The following ST8SIA2 variants were observed in gnomAD, a reference collection of about 807,000 sequenced individuals.
ST8SIA2 encodes the protein alpha-2,8-sialyltransferase 8B.
ST8SIA2 carries 22 observed loss-of-function variants against 37.6 expected under a neutral mutation model. That is an observed-to-expected ratio of 0.58 (90% CI 0.42 to 0.83). ST8SIA2 has a LOEUF of 0.83. Among genes scored for constraint, ST8SIA2 ranks in the 40% least tolerant of loss-of-function variants. The pLI is 0.00. For synonymous variants in ST8SIA2, 205 were observed against 201.2 expected, an observed-to-expected ratio of 1.02 and a Z score of -0.16; for missense variants, 382 against 484.7, an observed-to-expected ratio of 0.79 and a Z score of 1.99.
chr15:92,449,410 C>T (rs1418641767), intron 5 of ST8SIA2, among the ~76,000 whole-genome samples: 1 of 152,218 alleles, frequency 6.6e-6, no homozygotes, highest in Non-Finnish European at 1.5e-5. Context: ...CAATCCACCA[C>T]TTCTGGGCAC....
intron 1 of ST8SIA2, among the ~76,000 whole-genome samples, chr15:92,395,437 C>T (rs769307338): frequency 6.6e-6 from 1 of 152,188 alleles, no homozygotes; most frequent in East Asian, 1.9e-4. Context: ...TGACAAGTGC[C>T]GCTTCCTGCT....
At position 92,438,210 on chromosome 15, in the gene ST8SIA2, G is replaced by A. The variant is rs117645962; in HGVS notation, c.291-143G>A. The A allele has an allele frequency of 7.2e-5, 90 of 1,249,614 alleles. No individual in the cohort carries two copies. In the East Asian group the frequency reaches 1.6e-3, roughly 22 times the overall value. 77.4% of individuals were successfully genotyped at this position (1,249,614 alleles called of 1,614,324 possible). On this transcript the variant is annotated intron_variant, in intron 3 of 5. Coordinates refer to ENST00000268164, the MANE Select transcript of ST8SIA2 (RefSeq NM_006011.4). Reference sequence around the variant, plus strand: ...CCATCCCTGGCTGGAACCTGTTCTCGAGGGCATCTGAACTCTCATCATACT... The same window carrying A: ...CCATCCCTGGCTGGAACCTGTTCTCAAGGGCATCTGAACTCTCATCATACT...
chr15:92,404,834 C>CAAA (rs34778008), intron 1 of ST8SIA2, among the ~76,000 whole-genome samples: 8 of 111,324 alleles, frequency 7.2e-5, no homozygotes, highest in Non-Finnish European at 1.4e-4. Context: ...GACTCCATCT[C>CAAA]AAAAAAAAAA....
At chr15:92,415,573 G>A (rs923906179) in intron 1 of ST8SIA2, among the ~76,000 whole-genome samples, 10 of 148,822 alleles carry the variant, frequency 6.7e-5, no homozygotes, top group Middle Eastern at 3.4e-3. Flanking sequence ...CCCCCACCCC[G>A]CCCCCACAAC....
At chr15:92,418,934 C>G (rs1375901327) in intron 1 of ST8SIA2, among the ~76,000 whole-genome samples, 4 of 152,110 alleles carry the variant, frequency 2.6e-5, no homozygotes, top group African/African-American at 9.7e-5. Context: ...TAAAGATGCC[C>G]TGGGGACTCT....
intron 1 of ST8SIA2, 151 bp from the exon 2 acceptor site, chr15:92,429,898 G>A: frequency 1.2e-6 from 1 of 815,204 alleles, no homozygotes; most frequent in South Asian, 1.5e-5. Flanking sequence ...TGTGTCTGGG[G>A]CCAGGACTTT....
chr15:92,430,226 C>T, intron 2 of ST8SIA2, 115 bp downstream of exon 2: 1 of 1,097,712 alleles, frequency 9.1e-7, no homozygotes, highest in Non-Finnish European at 1.4e-6. Flanking sequence ...TGTTTCGTTT[C>T]ACTTTGGCTT....
chr15:92,419,540 T>A (rs1199325953), intron 1 of ST8SIA2, among the ~76,000 whole-genome samples: 1 of 152,114 alleles, frequency 6.6e-6, no homozygotes, highest in Non-Finnish European at 1.5e-5. Flanking sequence ...GAGGGGGTGC[T>A]GAAGCCGAAC....
In ST8SIA2 at chr15:92,455,041, G is replaced by T. The variant is rs536234242; in HGVS notation, c.843-9059G>T. On this transcript the variant is annotated intron_variant, in intron 5 of 5. Coordinates refer to ENST00000268164, the MANE Select transcript of ST8SIA2 (RefSeq NM_006011.4). ...AGCTTGCCTCTGGCCAGGGCCAGAG[G>T]GGCCAGGTCAGCAAAGCCAGCCCTG... Among the ~76,000 whole-genome samples, 8 of 152,266 alleles carry T rather than the reference G, an allele frequency of 5.3e-5. No individual in the cohort carries two copies. The South Asian group carries it at 1.0e-3, about 20-fold the overall frequency.
intron 1 of ST8SIA2, among the ~76,000 whole-genome samples, chr15:92,416,471 G>T (rs1567213227): frequency 6.6e-6 from 1 of 152,110 alleles, no homozygotes; most frequent in Non-Finnish European, 1.5e-5. Context: ...ACCGGCGCGT[G>T]CAAAGGGCAC....
In ST8SIA2 at chr15:92,466,589, G is replaced by A. The variant is rs1596254152; in HGVS notation, c.*2204G>A. On this transcript the variant is annotated 3_prime_UTR_variant, in exon 6 of 6. Transcript: ENST00000268164. The stretch of plus-strand genomic sequence containing the variant: ...GTCAAAGGGCCAGAACTCCTTGGGG[G>A]ACCAGAACATGGTTTTCCTTCTGCC... 1 of 152,314 alleles carries A rather than the reference G, an allele frequency of 6.6e-6. No individual in the cohort carries two copies. Among genetic ancestry groups the A allele is most frequent in the East Asian group, 1.9e-4 (1 of 5,164 alleles). 9.4% of individuals were successfully genotyped at this position (152,314 alleles called of 1,614,324 possible).
intron 1 of ST8SIA2, among the ~76,000 whole-genome samples, chr15:92,424,561 T>C (rs1238678352): frequency 6.6e-6 from 1 of 152,148 alleles, no homozygotes; most frequent in Non-Finnish European, 1.5e-5. Flanking sequence ...GTTTACTGTG[T>C]ACATTCTACT....
intron 5 of ST8SIA2, among the ~76,000 whole-genome samples, chr15:92,463,870 T>C (rs956594945): frequency 2.0e-5 from 3 of 152,080 alleles, no homozygotes; most frequent in African/African-American, 7.2e-5. Flanking sequence ...CAGGTTTGTT[T>C]TGAGAATTTC....
intron 1 of ST8SIA2, among the ~76,000 whole-genome samples, chr15:92,414,468 G>A (rs1006985767): frequency 6.6e-6 from 1 of 152,178 alleles, no homozygotes; most frequent in Non-Finnish European, 1.5e-5. Flanking sequence ...CCCCAATTTG[G>A]AGACAATCTG....
rs369714591 is a variant in ST8SIA2 at position 92,438,407 on chromosome 15, A to G, written c.345A>G (p.Gly115=). The G allele has an allele frequency of 1.8e-5, 29 of 1,614,124 alleles. No homozygotes were observed. The highest frequency in any genetic ancestry group is 2.5e-5 in the Non-Finnish European group (29 of 1,180,050). The change falls in exon 4 of 6, where the codon GGA becomes GGG. Residue 115 remains glycine (G), a synonymous_variant. Transcript: ENST00000268164. ...DAEKDISVLK[G]TLKPGDIIHY... The stretch of plus-strand genomic sequence containing the variant: ...AAAAGGACATTTCTGTCCTAAAGGG[A>G]ACCCTGAAGCCTGGAGATATTATTC...
In ST8SIA2 at chr15:92,464,610, G is replaced by A. The variant is rs2141855732; in HGVS notation, c.*225G>A. 1 of 593,380 alleles carries A rather than the reference G, an allele frequency of 1.7e-6. No individual in the cohort carries two copies. The highest frequency in any genetic ancestry group is 2.9e-5 in the East Asian group (1 of 34,300). The allele number at this position is 593,380 out of a possible 1,614,324, so 36.8% of individuals were successfully genotyped here. On this transcript the variant is annotated 3_prime_UTR_variant, in exon 6 of 6. Transcript: ENST00000268164. ...CTAGCATTAGGCAGATAGGCCACAG[G>A]AAGAAGGTGTGGAGAACCCACCTGA...
In ST8SIA2 at chr15:92,468,552, T is replaced by C. The variant is rs2050009120; in HGVS notation, c.*4167T>C. 1 of 152,704 alleles carries C rather than the reference T, an allele frequency of 6.5e-6. No individual in the cohort carries two copies. Among genetic ancestry groups the C allele is most frequent in the Middle Eastern group, 3.2e-3 (1 of 316 alleles). The allele number at this position is 152,704 out of a possible 1,614,324, so 9.5% of individuals were successfully genotyped here. A position where few individuals can be genotyped will look rare whatever the true frequency, so the allele number is the denominator to read the frequency against. ...TTATTTGTACCTTTCTCATGGCACT[T>C]ACCATATTCTGCCTTGTATTATAGT... On this transcript the variant is annotated 3_prime_UTR_variant, in exon 6 of 6. Coordinates refer to ENST00000268164, the MANE Select transcript of ST8SIA2 (RefSeq NM_006011.4).
At chr15:92,419,477 C>T (rs2049614678) in intron 1 of ST8SIA2, among the ~76,000 whole-genome samples, 1 of 152,220 alleles carries the variant, frequency 6.6e-6, no homozygotes, top group African/African-American at 2.4e-5. Context: ...CACCCTCCCA[C>T]AGCAACGCAG....
chr15:92,425,760 A>C (rs1313284855), intron 1 of ST8SIA2, among the ~76,000 whole-genome samples: 1 of 151,992 alleles, frequency 6.6e-6, no homozygotes. Context: ...GCAGGGTGGG[A>C]GCTGTCGCTA....
Sources: gnomAD v4.1 joint callset for allele counts (sites outside exome capture counted in the v4.1 genomes callset) on GRCh38, gnomAD v4.1.1 for gene constraint, MANE v1.5 for transcripts, NCBI Gene and HGNC (gene_info 2026-07-23, HGNC 2026-07-21) for gene names.